The following TENM4 variants were observed in gnomAD, a reference collection of about 807,000 sequenced individuals.
TENM4 encodes teneurin-4.
TENM4 carries 82 observed loss-of-function variants against 243.3 expected under a neutral mutation model. The ratio of observed to expected loss-of-function variants is 0.34; its 90% confidence interval spans 0.28 to 0.40. The LOEUF is 0.40. Among genes scored for constraint, TENM4 ranks in the 10% least tolerant of loss-of-function variants. The pLI is 1.00. For missense variants in TENM4, 3,138 were observed against 3,673.3 expected (o/e 0.85, Z 3.77); for synonymous variants, 1,412 against 1,456.3 (o/e 0.97, Z 0.69).
chr11:78,777,570 A>G (rs890891357), intron 17 of TENM4, among the ~76,000 whole-genome samples: 5 of 152,220 alleles, frequency 3.3e-5, no homozygotes, highest in Non-Finnish European at 7.3e-5. Flanking sequence ...ATTCCTGCCT[A>G]TATACTAAGC....
intron 1 of TENM4, among the ~76,000 whole-genome samples, chr11:79,309,254 G>A (rs1193292610): frequency 1.3e-5 from 2 of 152,206 alleles, no homozygotes; most frequent in Non-Finnish European, 2.9e-5. Flanking sequence ...ATATCTATAT[G>A]CTGTCAGTTT....
intron 2 of TENM4, among the ~76,000 whole-genome samples, chr11:79,219,790 G>A (rs758488400): frequency 6.6e-6 from 1 of 152,142 alleles, no homozygotes; most frequent in Non-Finnish European, 1.5e-5. Flanking sequence ...ATCATTTCCT[G>A]GGCTGCCTTT....
At chr11:78,717,891 G>A (rs1859558079) in intron 25 of TENM4, among the ~76,000 whole-genome samples, 1 of 152,196 alleles carries the variant, frequency 6.6e-6, no homozygotes, top group Non-Finnish European at 1.5e-5. Context: ...AGAGCTCTGG[G>A]ACGAGGCAAA....
chr11:79,327,007 G>T (rs907019827), intron 1 of TENM4, among the ~76,000 whole-genome samples: 22 of 152,180 alleles, frequency 1.4e-4, no homozygotes, highest in Admixed American at 3.9e-4. Flanking sequence ...TCCCTTTAAT[G>T]CTCTGGCTGC....
At chr11:79,254,387 G>GA (rs1855665446) in intron 2 of TENM4, among the ~76,000 whole-genome samples, 2 of 152,166 alleles carry the variant, frequency 1.3e-5, no homozygotes, top group African/African-American at 4.8e-5. Context: ...TTGTCAAAGG[G>GA]AAAACCCAAG....
chr11:79,400,745 A>G (rs1024140341), intron 1 of TENM4, among the ~76,000 whole-genome samples: 21 of 152,228 alleles, frequency 1.4e-4, no homozygotes, highest in African/African-American at 5.1e-4. Context: ...GCACAGAGGA[A>G]ACACACAATT....
chr11:78,798,766 C>T (rs1433338570), intron 15 of TENM4, among the ~76,000 whole-genome samples: 2 of 152,020 alleles, frequency 1.3e-5, no homozygotes, highest in Non-Finnish European at 2.9e-5. Flanking sequence ...CCTTGGCCAC[C>T]AGGGGGCCTC....
chr11:78,985,572 C>A (rs181253942), intron 6 of TENM4, among the ~76,000 whole-genome samples: 1 of 152,274 alleles, frequency 6.6e-6, no homozygotes. Context: ...AATATTTACT[C>A]ATTCAAGAAT....
At chr11:78,823,417 G>A (rs563573810) in intron 12 of TENM4, among the ~76,000 whole-genome samples, 164 of 152,318 alleles carry the variant, frequency 1.1e-3, no homozygotes, top group African/African-American at 3.8e-3. Context: ...GAGGTTCCGG[G>A]CCAATAAGAG....
intron 3 of TENM4, among the ~76,000 whole-genome samples, chr11:79,177,750 C>A (rs1468859022): frequency 6.6e-6 from 1 of 152,028 alleles, no homozygotes; most frequent in African/African-American, 2.4e-5. Context: ...TGCAAGGGTG[C>A]CTGGCACGTA....
Position 78,891,278 on chromosome 11 carries a change from T to C in TENM4, c.808A>G (p.Ile270Val), listed in dbSNP as rs1357479176. The change falls in exon 8 of 34, where the codon ATT becomes GTT. Residue 270 changes from isoleucine (I) to valine (V), a missense_variant. Coordinates refer to ENST00000278550, the MANE Select transcript of TENM4 (RefSeq NM_001098816.3). ...CCATCATGGCGGGAGGCGCCGAGAATGTCCATCTCAATGAGGTTGTCCTGC... is the reference window on the plus strand; with the variant it reads ...CCATCATGGCGGGAGGCGCCGAGAACGTCCATCTCAATGAGGTTGTCCTGC... ...TLQDNLIEMDILGASRHDGAY... is the reference protein window; with the variant it reads ...TLQDNLIEMDVLGASRHDGAY... 4 of 1,551,688 alleles carry C rather than the reference T, an allele frequency of 2.6e-6. No homozygotes were observed. The Admixed American group carries it at 7.8e-5, about 30-fold the overall frequency.
In TENM4 at chr11:78,732,479, C is replaced by A. The variant is rs760040389; in HGVS notation, c.2975G>T (p.Arg992Leu). The A allele has an allele frequency of 5.0e-6, 8 of 1,613,522 alleles. No individual in the cohort carries two copies. The African/African-American group carries it at 5.3e-5, about 11-fold the overall frequency. The part of the protein sequence containing the change: ...QEHTLWLPWD[R>L]FFVMETIIMR... The stretch of plus-strand genomic sequence containing the variant: ...GATGATGGTTTCCATGACAAAGAAG[C>A]GATCCCATGGCAGCCACAGGGTGTG... The change falls in exon 21 of 34, where the codon CGC becomes CTC. Residue 992 changes from arginine (R) to leucine (L), a missense_variant. Arg to Leu is a moderately radical substitution (Grantham distance 102, BLOSUM62 -2). Transcript: ENST00000278550.
intron 1 of TENM4, among the ~76,000 whole-genome samples, chr11:79,346,410 G>A (rs557079672): frequency 6.0e-4 from 91 of 152,156 alleles, no homozygotes; most frequent in Non-Finnish European, 1.1e-3. Flanking sequence ...ATGCTGTCTG[G>A]CACACCGTAG....
chr11:79,342,436 A>C (rs570319908), intron 1 of TENM4, among the ~76,000 whole-genome samples: 20 of 152,290 alleles, frequency 1.3e-4, no homozygotes, highest in African/African-American at 4.6e-4. Context: ...GCCAGTGGGC[A>C]GGAGGAGGCG....
chr11:78,920,777 A>G (rs1211549020), intron 6 of TENM4, among the ~76,000 whole-genome samples: 1 of 152,242 alleles, frequency 6.6e-6, no homozygotes, highest in African/African-American at 2.4e-5. Context: ...TTAACTGCCC[A>G]TGCAAATCAG....
chr11:79,043,299 C>T (rs1354556927), intron 6 of TENM4, among the ~76,000 whole-genome samples: 3 of 152,076 alleles, frequency 2.0e-5, no homozygotes, highest in African/African-American at 7.3e-5. Flanking sequence ...CTCATTGTGT[C>T]TGGTTCTCTT....
intron 1 of TENM4, among the ~76,000 whole-genome samples, chr11:79,437,865 T>C (rs1056527307): frequency 1.3e-5 from 2 of 152,184 alleles, no homozygotes; most frequent in African/African-American, 4.8e-5. Context: ...AGAGCCCCTC[T>C]GGCAGCCGGG....
intron 6 of TENM4, among the ~76,000 whole-genome samples, chr11:78,923,896 C>T (rs1331765579): frequency 6.6e-6 from 1 of 151,020 alleles, no homozygotes; most frequent in African/African-American, 2.4e-5. Flanking sequence ...ACTCTGTTGC[C>T]CAGGCTGGAG....
intron 1 of TENM4, among the ~76,000 whole-genome samples, chr11:79,307,240 G>A (rs981567077): frequency 6.6e-5 from 10 of 152,132 alleles, no homozygotes; most frequent in South Asian, 2.1e-4. Flanking sequence ...CTAGAAGCAC[G>A]TGTTGTGGTG....
Sources: allele counts gnomAD v4.1 joint callset (sites outside exome capture counted in the v4.1 genomes callset), GRCh38; gene constraint gnomAD v4.1.1; transcripts MANE v1.5; gene names NCBI Gene and HGNC (gene_info 2026-07-23, HGNC 2026-07-21).